The following NBAS variants were observed in gnomAD, a reference collection of about 807,000 sequenced individuals.
NBAS encodes the protein NBAS subunit of NRZ tethering complex, also known as NAG/BC035112 fusion.
NBAS carries 219 observed loss-of-function variants against 302.5 expected under a neutral mutation model. The ratio of observed to expected loss-of-function variants is 0.72; its 90% confidence interval spans 0.65 to 0.81. The LOEUF (loss-of-function observed/expected upper bound fraction) is 0.81. Among genes scored for constraint, NBAS ranks in the 30% least tolerant of loss-of-function variants. NBAS has a pLI of 0.00. For missense variants in NBAS, 2,932 were observed against 2,841.6 expected, an observed-to-expected ratio of 1.03 and a Z score of -0.72; for synonymous variants, 1,118 against 1,021.6, an observed-to-expected ratio of 1.09 and a Z score of -1.80.
the NBAS span, among the ~76,000 whole-genome samples, chr2:15,034,293 A>AAAGAAAGG: frequency 2.1e-5 from 2 of 96,722 alleles, no homozygotes; most frequent in African/African-American, 4.3e-5. Flanking sequence ...AGAAAGAAAG[A>AAAGAAAGG]AAGAAAGAAA....
the NBAS span, among the ~76,000 whole-genome samples, chr2:14,894,070 A>G: frequency 2.6e-5 from 4 of 152,230 alleles, no homozygotes; most frequent in African/African-American, 9.6e-5. Context: ...AGTCTTACTT[A>G]GGAGTATATT....
chr2:15,506,864 C>A (rs911377437), intron 10 of NBAS, among the ~76,000 whole-genome samples: 1 of 151,878 alleles, frequency 6.6e-6, no homozygotes, highest in African/African-American at 2.4e-5. Flanking sequence ...TGAAAGAATA[C>A]GAAGAAAACA....
Position 15,372,560 on chromosome 2 carries a change from A to C in NBAS, c.3703+2048T>G, listed in dbSNP as rs530506259. ...ACTGATGAATACAAAAGAAGCTAAA[A>C]CCTAAATGGCATCTGTAAGATAAAC... is the stretch of plus-strand genomic sequence containing the variant. On this transcript the variant is annotated intron_variant, in intron 31 of 51. Transcript: ENST00000281513. 5.3e-5 allele frequency among the ~76,000 whole-genome samples: 8 copies of C among 152,344 alleles called. No homozygotes were observed. The South Asian group carries it at 1.5e-3, about 28-fold the overall frequency.
At chr2:14,925,894 C>T in the NBAS span, among the ~76,000 whole-genome samples, 3 of 152,170 alleles carry the variant, frequency 2.0e-5, no homozygotes, top group Non-Finnish European at 4.4e-5. Context: ...GTTCAACTCA[C>T]CTTTTGGATC....
chr2:15,017,187 T>C, the NBAS span, among the ~76,000 whole-genome samples: 6 of 151,938 alleles, frequency 3.9e-5, no homozygotes, highest in Admixed American at 3.9e-4. Context: ...AAGACCTAAA[T>C]GTAAGACCCA....
the NBAS span, among the ~76,000 whole-genome samples, chr2:15,017,153 C>G: frequency 9.8e-3 from 1,485 of 152,134 alleles, 42 homozygotes; most frequent in East Asian, 0.089. Flanking sequence ...TCACCCTATA[C>G]AAAAATCATC....
chr2:14,899,199 A>G, the NBAS span, among the ~76,000 whole-genome samples: 1 of 152,182 alleles, frequency 6.6e-6, no homozygotes, highest in Non-Finnish European at 1.5e-5. Context: ...TACTTCCTCC[A>G]CATTCTGCAG....
intron 48 of NBAS, among the ~76,000 whole-genome samples, chr2:15,197,001 A>G (rs1194578711): frequency 6.6e-6 from 1 of 152,238 alleles, no homozygotes; most frequent in Non-Finnish European, 1.5e-5. Context: ...ACAAAATGAA[A>G]TAAAAAATAG....
intron 7 of NBAS, among the ~76,000 whole-genome samples, chr2:15,537,700 C>T (rs891644275): frequency 3.9e-5 from 6 of 152,246 alleles, no homozygotes; most frequent in African/African-American, 1.4e-4. Context: ...AACAGCAAGA[C>T]TCTATCTTTA....
At chr2:14,953,255 T>C in the NBAS span, among the ~76,000 whole-genome samples, 5 of 152,004 alleles carry the variant, frequency 3.3e-5, no homozygotes, top group Admixed American at 1.3e-4. Flanking sequence ...GACTACAGCA[T>C]GGTGAACTGT....
chr2:15,112,658 T>C, the NBAS span, among the ~76,000 whole-genome samples: 1 of 151,940 alleles, frequency 6.6e-6, no homozygotes, highest in African/African-American at 2.4e-5. Context: ...ATTATAAGGG[T>C]AAGAAAATAA....
intron 44 of NBAS, among the ~76,000 whole-genome samples, 171 bp from the exon 45 acceptor site, chr2:15,238,857 G>T (rs951119353): frequency 5.3e-5 from 8 of 152,070 alleles, no homozygotes; most frequent in African/African-American, 1.9e-4. Context: ...AAAGTGAGGT[G>T]CCATTTGCAT....
At chr2:15,069,122 A>C in the NBAS span, among the ~76,000 whole-genome samples, 1 of 152,202 alleles carries the variant, frequency 6.6e-6, no homozygotes, top group African/African-American at 2.4e-5. Flanking sequence ...ATCATCTCTC[A>C]AATGCACCAC....
At chr2:15,274,269 A>G (rs1669466960) in intron 44 of NBAS, among the ~76,000 whole-genome samples, 1 of 152,162 alleles carries the variant, frequency 6.6e-6, no homozygotes, top group African/African-American at 2.4e-5. Flanking sequence ...TTCTTCACAG[A>G]AGTTGGAACC....
At chr2:15,217,428 G>A (rs1422359516) in intron 48 of NBAS, among the ~76,000 whole-genome samples, 13 of 152,268 alleles carry the variant, frequency 8.5e-5, no homozygotes, top group Admixed American at 6.5e-4. Flanking sequence ...TCGTGATGAG[G>A]CCCAAAATAT....
At chr2:14,876,732 G>A in the NBAS span, among the ~76,000 whole-genome samples, 1,807 of 152,318 alleles carry the variant, frequency 0.012, 38 homozygotes, top group African/African-American at 0.042. Flanking sequence ...ATTTCCTTTT[G>A]ATTGTACAGG....
In NBAS at chr2:15,506,818, G is replaced by A. The variant is rs186509663; in HGVS notation, c.886-2605C>T. On this transcript the variant is annotated intron_variant, in intron 10 of 51. Transcript: ENST00000281513. ...AACAAAAAAAAGAAAAAAGAAAGCA[G>A]AATAAGCTGATTTTTGTATAAGCAA... is the stretch of plus-strand genomic sequence containing the variant. Among the ~76,000 whole-genome samples, 9 of 152,234 alleles carry A rather than the reference G, an allele frequency of 5.9e-5. No individual in the cohort carries two copies. The East Asian group carries it at 9.6e-4, about 16-fold the overall frequency.
chr2:14,915,552 CA>C, the NBAS span, among the ~76,000 whole-genome samples: 4 of 152,176 alleles, frequency 2.6e-5, no homozygotes, highest in East Asian at 7.7e-4. Flanking sequence ...ATGGGTCTCA[CA>C]AGATCTGATG....
chr2:15,111,525 A>G, the NBAS span, among the ~76,000 whole-genome samples: 3 of 152,094 alleles, frequency 2.0e-5, no homozygotes, highest in Non-Finnish European at 4.4e-5. Flanking sequence ...TTGCAAATTT[A>G]TTGTGACTGA....
Sources: gnomAD v4.1 joint callset for allele counts (sites outside exome capture counted in the v4.1 genomes callset) on GRCh38, gnomAD v4.1.1 for gene constraint, MANE v1.5 for transcripts, NCBI Gene and HGNC (gene_info 2026-07-23, HGNC 2026-07-21) for gene names.